FAM222B: variants seen among roughly 807,000 people sequenced by gnomAD.
FAM222B encodes family with sequence similarity 222 member B.
A neutral mutation model predicts 38.0 loss-of-function variants in FAM222B; 12 were observed. The ratio of observed to expected loss-of-function variants is 0.32; its 90% confidence interval spans 0.20 to 0.51. The LOEUF is 0.51. FAM222B is among the 20% of genes least tolerant of loss of function. FAM222B has a pLI of 0.97. For missense variants in FAM222B, 716 were observed against 754.2 expected, an observed-to-expected ratio of 0.95 and a Z score of 0.59; for synonymous variants, 329 against 317.2, an observed-to-expected ratio of 1.04 and a Z score of -0.40.
At chr17:28,761,969 T>G (rs971775688) in intron 2 of FAM222B, 5 of 152,118 alleles carry the variant, frequency 3.3e-5, no homozygotes, top group African/African-American at 1.2e-4. Context: ...GAAATCCAAG[T>G]AGAAGTCGTA....
chr17:28,801,060 G>A (rs988070644), intron 1 of FAM222B, among the ~76,000 whole-genome samples: 22 of 151,918 alleles, frequency 1.4e-4, no homozygotes, highest in Non-Finnish European at 2.5e-4. Context: ...AGGAGGCTGA[G>A]GCAGGAGAAT....
At chr17:28,815,962 G>T (rs2038007550) in intron 1 of FAM222B, among the ~76,000 whole-genome samples, 1 of 138,396 alleles carries the variant, frequency 7.2e-6, no homozygotes. Context: ...GCGAGACTCC[G>T]TCTCAAAAAA....
At chr17:28,809,867 T>C (rs1418971318) in intron 1 of FAM222B, among the ~76,000 whole-genome samples, 1 of 152,106 alleles carries the variant, frequency 6.6e-6, no homozygotes, top group African/African-American at 2.4e-5. Context: ...TATAACTTTA[T>C]AAAGCTGTAC....
At chr17:28,790,698 C>CAATGTTA (rs1305189872) in intron 1 of FAM222B, among the ~76,000 whole-genome samples, 1 of 151,884 alleles carries the variant, frequency 6.6e-6, no homozygotes, top group African/African-American at 2.4e-5. Context: ...AGTAATGTGT[C>CAATGTTA]AATGTTACTT....
rs1487110479 is a variant in FAM222B at position 28,756,501 on chromosome 17, G to GA, written c.*1768dup. ...TTGGAGATCAAGCAAGGGGTAGGGG[G>GA]AAGACAGTGGTGCTCTTTAAATCTG... On this transcript the variant is annotated 3_prime_UTR_variant, in exon 3 of 3. Transcript: ENST00000581407. The GA allele has an allele frequency of 6.6e-6, 1 of 152,460 alleles. No homozygotes were observed. Among genetic ancestry groups the GA allele is most frequent in the East Asian group, 1.9e-4 (1 of 5,196 alleles). The allele number at this position is 152,460 out of a possible 1,614,324, so 9.4% of individuals were successfully genotyped here.
At chr17:28,809,352 CAAAA>C (rs146580054) in intron 1 of FAM222B, among the ~76,000 whole-genome samples, 2 of 63,032 alleles carry the variant, frequency 3.2e-5, no homozygotes, top group African/African-American at 1.3e-4. Flanking sequence ...GACTCCGTCT[CAAAA>C]AAAAAAAAAA....
intron 1 of FAM222B, among the ~76,000 whole-genome samples, chr17:28,838,262 G>A (rs1245090300): frequency 1.3e-5 from 2 of 151,792 alleles, no homozygotes; most frequent in Non-Finnish European, 2.9e-5. Flanking sequence ...CAGTCTGGGC[G>A]ACAGAGTGAG....
Position 28,756,961 on chromosome 17 carries a change from A to C in FAM222B, c.*1309T>G, listed in dbSNP as rs2151747536. ...AAAAAATAAAAAAGCCCAATTCTGC[A>C]TCTTTAACAGAATGGTGCAAAAATT... is the stretch of plus-strand genomic sequence containing the variant. On this transcript the variant is annotated 3_prime_UTR_variant, in exon 3 of 3. Coordinates refer to ENST00000581407, the MANE Select transcript of FAM222B (RefSeq NM_001077498.3). 6.6e-6 allele frequency: 1 copy of C among 152,576 alleles called. No homozygotes were observed. The highest frequency in any genetic ancestry group is 1.9e-4 in the East Asian group (1 of 5,192). The allele number at this position is 152,576 out of a possible 1,614,324, so 9.5% of individuals were successfully genotyped here.
chr17:28,813,504 C>T (rs1206924253), intron 1 of FAM222B, among the ~76,000 whole-genome samples: 1 of 151,466 alleles, frequency 6.6e-6, no homozygotes, highest in Non-Finnish European at 1.5e-5. Context: ...ATGTTACTTT[C>T]CTGATTTTGA....
intron 1 of FAM222B, among the ~76,000 whole-genome samples, chr17:28,783,249 G>A (rs895210028): frequency 1.7e-4 from 26 of 152,038 alleles, no homozygotes; most frequent in African/African-American, 6.3e-4. Flanking sequence ...GAGCCAGGAA[G>A]TAACCCAGGA....
At chr17:28,798,116 C>T (rs1410095996) in intron 1 of FAM222B, among the ~76,000 whole-genome samples, 1 of 151,960 alleles carries the variant, frequency 6.6e-6, no homozygotes, top group Non-Finnish European at 1.5e-5. Flanking sequence ...ATAGGTCAGG[C>T]GCGGTGGTTC....
At chr17:28,764,271 CA>C (rs35314377) in intron 2 of FAM222B, among the ~76,000 whole-genome samples, 2,691 of 43,842 alleles carry the variant, frequency 0.061, 28 homozygotes, top group African/African-American at 0.14. Flanking sequence ...GACTCCATCT[CA>C]AAAAAAAAAA....
chr17:28,768,492 G>A (rs1314773611), intron 1 of FAM222B, among the ~76,000 whole-genome samples: 2 of 151,948 alleles, frequency 1.3e-5, no homozygotes, highest in Non-Finnish European at 2.9e-5. Flanking sequence ...ATCTCTGGTG[G>A]GTGGGAAAAC....
At chr17:28,793,471 C>T (rs927791245) in intron 1 of FAM222B, among the ~76,000 whole-genome samples, 9 of 152,180 alleles carry the variant, frequency 5.9e-5, no homozygotes, top group Non-Finnish European at 1.2e-4. Flanking sequence ...TCCACTTTCA[C>T]ACCAACAGCA....
chr17:28,764,599 T>C (rs1319999584), intron 2 of FAM222B, among the ~76,000 whole-genome samples: 1 of 150,336 alleles, frequency 6.7e-6, no homozygotes, highest in African/African-American at 2.5e-5. Flanking sequence ...AAATACAAAA[T>C]TAGCTGGGCG....
chr17:28,822,820 AAAAAAAAAAAAAATATATATATATATAT>A, intron 1 of FAM222B, among the ~76,000 whole-genome samples: 2 of 100,448 alleles, frequency 2.0e-5, no homozygotes, highest in Admixed American at 1.1e-4. Context: ...AAAAAAAAAA[AAAAAAAAAAAAAATATATATATATATAT>A]ATATATATAT....
intron 1 of FAM222B, among the ~76,000 whole-genome samples, chr17:28,826,524 C>A (rs1033751904): frequency 1.7e-4 from 26 of 151,140 alleles, no homozygotes; most frequent in Non-Finnish European, 2.5e-4. Context: ...CTACTAAACA[C>A]AAAAAAAACA....
chr17:28,795,955 T>C (rs1018008424), intron 1 of FAM222B, among the ~76,000 whole-genome samples: 1 of 152,180 alleles, frequency 6.6e-6, no homozygotes, highest in African/African-American at 2.4e-5. Flanking sequence ...CTGCTCCTAA[T>C]AGATTATTTT....
At chr17:28,821,453 T>C (rs2038215729) in intron 1 of FAM222B, among the ~76,000 whole-genome samples, 1 of 152,208 alleles carries the variant, frequency 6.6e-6, no homozygotes, top group Non-Finnish European at 1.5e-5. Context: ...TTAGTAGTCA[T>C]GCATCACAAC....
Sources: allele counts gnomAD v4.1 joint callset (sites outside exome capture counted in the v4.1 genomes callset), GRCh38; gene constraint gnomAD v4.1.1; transcripts MANE v1.5; gene names NCBI Gene and HGNC (gene_info 2026-07-23, HGNC 2026-07-21).